Variants in DPP10 observed in about 807,000 individuals in gnomAD.
The protein encoded by DPP10 is inactive dipeptidyl peptidase 10.
In DPP10, 33 loss-of-function variants were observed where a neutral mutation model predicts 120.9. The ratio of observed to expected loss-of-function variants is 0.27; its 90% CI spans 0.21 to 0.37. The LOEUF (loss-of-function observed/expected upper bound fraction) is 0.37. Ranked by LOEUF, DPP10 falls within the 10% of genes least tolerant of loss-of-function variation. The pLI, the probability that DPP10 is intolerant of heterozygous loss-of-function variation, is 1.00. For synonymous variants in DPP10, 337 were observed against 326.1 expected (o/e 1.03, Z -0.36); for missense variants, 816 against 942.8 (o/e 0.87, Z 1.76).
intron 1 of DPP10, among the ~76,000 whole-genome samples, chr2:114,824,846 G>A (rs1293995159): frequency 5.9e-5 from 9 of 152,258 alleles, no homozygotes; most frequent in Admixed American, 2.6e-4. Context: ...AGGAAAAATA[G>A]CCTTATAAGC....
At chr2:115,309,779 A>T (rs962203245) in intron 2 of DPP10, among the ~76,000 whole-genome samples, 1 of 152,090 alleles carries the variant, frequency 6.6e-6, no homozygotes, top group Non-Finnish European at 1.5e-5. Context: ...TCAGATCGAA[A>T]GAGAGTGATC....
intron 19 of DPP10, among the ~76,000 whole-genome samples, chr2:115,800,320 A>C (rs200179132): frequency 8.2e-6 from 1 of 122,614 alleles, no homozygotes; most frequent in African/African-American, 3.0e-5. Flanking sequence ...AGTTCATTGT[A>C]GATTCTGGAT....
chr2:114,735,462 T>C (rs936251915), intron 1 of DPP10, among the ~76,000 whole-genome samples: 7 of 152,074 alleles, frequency 4.6e-5, no homozygotes, highest in Non-Finnish European at 8.8e-5. Context: ...TTTCAGATGG[T>C]TTTTACTGCC....
At chr2:115,515,944 C>A (rs2077483198) in intron 4 of DPP10, among the ~76,000 whole-genome samples, 1 of 152,070 alleles carries the variant, frequency 6.6e-6, no homozygotes, top group Non-Finnish European at 1.5e-5. Flanking sequence ...ATTAATTCAG[C>A]CTCTATTTGG....
At position 115,399,646 on chromosome 2, in the gene DPP10, T is replaced by C. The variant is rs191020881; in HGVS notation, c.271+55734T>C. On this transcript the variant is annotated intron_variant, in intron 3 of 25. Transcript: ENST00000410059. ...TCTATTGATGGACTTTGTAATATAT[T>C]AATTTATATGCTTAAAGTCCCATTT... 7.3e-4 allele frequency among the ~76,000 whole-genome samples: 111 copies of C among 152,318 alleles called. 2 individuals are homozygous for C. The highest frequency in any genetic ancestry group is 1.3e-3 in the Non-Finnish European group (88 of 68,018).
intron 1 of DPP10, among the ~76,000 whole-genome samples, chr2:114,725,455 T>C (rs1701984769): frequency 6.6e-6 from 1 of 152,200 alleles, no homozygotes; most frequent in Admixed American, 6.5e-5. Flanking sequence ...TTGGCTCCCT[T>C]AGATCCATCT....
chr2:115,763,879 T>A (rs190386487), intron 12 of DPP10, among the ~76,000 whole-genome samples: 42 of 152,326 alleles, frequency 2.8e-4, no homozygotes, highest in Non-Finnish European at 5.3e-4. Flanking sequence ...CATAGAATCA[T>A]TTGATCTGTT....
intron 1 of DPP10, among the ~76,000 whole-genome samples, chr2:115,163,044 C>G (rs2052551534): frequency 6.6e-6 from 1 of 152,066 alleles, no homozygotes; most frequent in Non-Finnish European, 1.5e-5. Context: ...CCCGCGGGAC[C>G]CAAGCGCTGG....
intron 1 of DPP10, among the ~76,000 whole-genome samples, chr2:114,973,610 C>T (rs1041902986): frequency 3.0e-5 from 4 of 135,400 alleles, no homozygotes; most frequent in African/African-American, 1.1e-4. Context: ...TGCAGTGAGC[C>T]GAGATCGAGC....
At chr2:115,389,349 C>A (rs984508798) in intron 3 of DPP10, among the ~76,000 whole-genome samples, 1 of 140,876 alleles carries the variant, frequency 7.1e-6, no homozygotes, top group East Asian at 2.0e-4. Flanking sequence ...TGGCTTACTA[C>A]GTCTCAGTTA....
At chr2:115,175,232 C>T (rs1376115710) in intron 1 of DPP10, among the ~76,000 whole-genome samples, 2 of 152,132 alleles carry the variant, frequency 1.3e-5, no homozygotes, top group Non-Finnish European at 2.9e-5. Flanking sequence ...ATCTGTGTAG[C>T]TCTGGATTCC....
At chr2:115,191,662 T>G (rs779860406) in intron 1 of DPP10, among the ~76,000 whole-genome samples, 6 of 152,182 alleles carry the variant, frequency 3.9e-5, no homozygotes, top group Non-Finnish European at 8.8e-5. Flanking sequence ...CTTTCTTGAC[T>G]TGAGTATTAT....
intron 1 of DPP10, among the ~76,000 whole-genome samples, chr2:115,147,409 A>C (rs535245927): frequency 6.6e-6 from 1 of 152,058 alleles, no homozygotes; most frequent in Non-Finnish European, 1.5e-5. Context: ...AATCTCTGCT[A>C]TGCTTCTAAG....
intron 1 of DPP10, among the ~76,000 whole-genome samples, chr2:115,118,274 A>G (rs1469560306): frequency 6.6e-6 from 1 of 152,120 alleles, no homozygotes; most frequent in Non-Finnish European, 1.5e-5. Flanking sequence ...CTGAACCAAT[A>G]TTATCTTTTA....
intron 1 of DPP10, among the ~76,000 whole-genome samples, chr2:114,645,546 T>G (rs1696055396): frequency 6.6e-6 from 1 of 152,234 alleles, no homozygotes; most frequent in Non-Finnish European, 1.5e-5. Flanking sequence ...CCATTTCACA[T>G]GTTTCCAGAT....
intron 10 of DPP10, chr2:115,749,848 A>G (rs1678480968): frequency 4.0e-6 from 1 of 251,808 alleles, no homozygotes; most frequent in Non-Finnish European, 6.3e-6. Flanking sequence ...AACTGCTAAC[A>G]TACCTGTCTG....
intron 21 of DPP10, among the ~76,000 whole-genome samples, chr2:115,827,164 C>A (rs1559208763): frequency 2.6e-5 from 4 of 151,198 alleles, no homozygotes; most frequent in African/African-American, 9.7e-5. Context: ...TTTGATGGTT[C>A]CTTTATGGCT....
chr2:115,842,197 C>A lies in DPP10; in HGVS notation c.2257-14C>A. 1.3e-6 allele frequency: 2 copies of A among 1,568,988 alleles called. No homozygotes were observed. Among genetic ancestry groups the A allele is most frequent in the South Asian group, 1.2e-5 (1 of 85,038 alleles). On this transcript the variant is annotated splice_polypyrimidine_tract_variant and intron_variant, in intron 25 of 25. Transcript: ENST00000410059. ...TTGGATAATTTGAAATCTTCTTTCT[C>A]CTCAATATCTTAGGTCTACCCAGAT...
In DPP10 at chr2:115,032,879, C is replaced by T. The variant is rs142999553; in HGVS notation, c.61-276360C>T. Among the ~76,000 whole-genome samples the T allele has an allele frequency of 2.6e-4, 37 of 141,758 alleles. No homozygotes were observed. The East Asian group carries it at 5.1e-3, about 20-fold the overall frequency. The allele number at this position is 141,758 out of a possible 152,430, so 93.0% of individuals were successfully genotyped here. A position where few individuals can be genotyped will look rare whatever the true frequency, so the allele number is the denominator to read the frequency against. Reference sequence around the variant, plus strand: ...CAGCCTGGGAGACAGAGCAAGACTCCGTCAAAAAAAAAAAAAAAAGAAGAA... The same window carrying T: ...CAGCCTGGGAGACAGAGCAAGACTCTGTCAAAAAAAAAAAAAAAAGAAGAA... On this transcript the variant is annotated intron_variant, in intron 1 of 25. Coordinates refer to ENST00000410059, the MANE Select transcript of DPP10 (RefSeq NM_020868.6).
Sources: allele counts gnomAD v4.1 joint callset (sites outside exome capture counted in the v4.1 genomes callset), GRCh38; gene constraint gnomAD v4.1.1; transcripts MANE v1.5; gene names NCBI Gene and HGNC (gene_info 2026-07-23, HGNC 2026-07-21).